The following LRP4 variants were observed in gnomAD, a reference collection of about 807,000 sequenced individuals.
The protein encoded by LRP4 is LDL receptor related protein 4.
LRP4 carries 95 observed loss-of-function variants against 220.3 expected under a neutral mutation model. The ratio of observed to expected loss-of-function variants is 0.43; its 90% CI spans 0.37 to 0.51. LRP4 has a LOEUF of 0.51. LRP4 is among the 20% of genes least tolerant of loss of function. LRP4 has a pLI of 0.00. For synonymous variants in LRP4, 903 were observed against 954.6 expected (o/e 0.95, Z 1.00); for missense variants, 1,925 against 2,567.0 (o/e 0.75, Z 5.40).
intron 34 of LRP4, among the ~76,000 whole-genome samples, chr11:46,866,281 T>A (rs1308380910): frequency 6.6e-6 from 1 of 151,536 alleles, no homozygotes; most frequent in Non-Finnish European, 1.5e-5. Flanking sequence ...TTATTTATTT[T>A]TTGTTTTTTG....
rs1443122291 is a variant in LRP4, at chr11:46,913,953, A to G, written c.52+4375T>C. 2.0e-5 allele frequency among the ~76,000 whole-genome samples: 3 copies of G among 152,306 alleles called. No individual in the cohort carries two copies. In the East Asian group the frequency reaches 5.8e-4, roughly 29 times the overall value. ...AGAGACAAGCAAAAGACCAGCTGCA[A>G]TGAATGAAGGACCAAGTCTCAATTT... On this transcript the variant is annotated intron_variant, in intron 1 of 37. Coordinates refer to ENST00000378623, the MANE Select transcript of LRP4 (RefSeq NM_002334.4).
chr11:46,915,071 G>A (rs1366932772), intron 1 of LRP4, among the ~76,000 whole-genome samples: 2 of 152,058 alleles, frequency 1.3e-5, no homozygotes, highest in African/African-American at 2.4e-5. Flanking sequence ...TTAATACCAC[G>A]TGCCAGTCCA....
intron 1 of LRP4, among the ~76,000 whole-genome samples, chr11:46,904,975 C>CAAA (rs10589238): frequency 6.8e-5 from 3 of 44,276 alleles, no homozygotes; most frequent in Non-Finnish European, 1.2e-4. Flanking sequence ...GACCTTGTCT[C>CAAA]AAAAAAAAAA....
chr11:46,889,820 G>C (rs1480293335), intron 15 of LRP4, 124 bp downstream of exon 15: 5 of 1,119,288 alleles, frequency 4.5e-6, no homozygotes, highest in Non-Finnish European at 5.4e-6. Context: ...GCCCATGTCA[G>C]TGCCCTGCTG....
chr11:46,879,795 A>G (rs978928387), intron 20 of LRP4, among the ~76,000 whole-genome samples: 2 of 152,198 alleles, frequency 1.3e-5, no homozygotes, highest in African/African-American at 4.8e-5. Flanking sequence ...ACATTAGATA[A>G]ATCCAAGTTG....
At chr11:46,888,005 A>C in intron 16 of LRP4, among the ~76,000 whole-genome samples, 1 of 87,558 alleles carries the variant, frequency 1.1e-5, no homozygotes. Context: ...ACAGAGCAAG[A>C]CCCTGTCTCA....
chr11:46,901,446 T>C (rs1216883726), intron 2 of LRP4, among the ~76,000 whole-genome samples: 4 of 152,214 alleles, frequency 2.6e-5, no homozygotes, highest in African/African-American at 9.6e-5. Flanking sequence ...ACTCAGTTCA[T>C]AGAGGCCTTT....
intron 11 of LRP4, 23 bp from the exon 12 acceptor site, chr11:46,894,842 G>T: frequency 6.2e-7 from 1 of 1,603,270 alleles, no homozygotes; most frequent in Non-Finnish European, 8.5e-7. Flanking sequence ...ATAAACATGG[G>T]ATACCCACTG....
At position 46,875,094 on chromosome 11, in the gene LRP4, T is replaced by G; in HGVS notation, c.3935A>C (p.Lys1312Thr). ...GCAGCCGCCATTTCTCGAGCCGCAC[T>G]TGTTAAAACCTGGTGATGAGAAGCA... Reference protein sequence around the residue: ...VDRAQPLGFNKCGSRNGGCSH... With the variant: ...VDRAQPLGFNTCGSRNGGCSH... Residue 1312 changes from lysine to threonine, a missense_variant, in exon 28 of 38, where the codon AAG becomes ACG. Physicochemically the swap from Lys to Thr is moderately conservative, Grantham distance 78 (BLOSUM62 -1). Transcript: ENST00000378623. This position sits in a 1 kb window ranked among gnomAD's most constrained non-coding sequence, Gnocchi z 4.5. 1 of 1,613,018 alleles carries G rather than the reference T, an allele frequency of 6.2e-7. No individual in the cohort carries two copies. Among genetic ancestry groups the G allele is most frequent in the South Asian group, 1.1e-5 (1 of 91,058 alleles).
intron 20 of LRP4, among the ~76,000 whole-genome samples, chr11:46,880,367 A>G (rs1941125344): frequency 1.3e-5 from 2 of 151,608 alleles, no homozygotes; most frequent in East Asian, 2.0e-4. Context: ...TTGGGAGGTC[A>G]AAGCAGGAGG....
rs2134760688 is a variant in LRP4 at position 46,862,856 on chromosome 11, T to C, written c.5244-109A>G. 4.4e-6 allele frequency: 4 copies of C among 910,960 alleles called. No individual in the cohort carries two copies. In the East Asian group the frequency reaches 1.0e-4, roughly 24 times the overall value. The allele number at this position is 910,960 out of a possible 1,614,324, so 56.4% of individuals were successfully genotyped here. A position where few individuals can be genotyped will look rare whatever the true frequency, so the allele number is the denominator to read the frequency against. On this transcript the variant is annotated intron_variant, in intron 36 of 37. Transcript: ENST00000378623. ...CAGCCTCTAAGATGATCCCAGTGAC[T>C]CCCACTTCCTGGTACTCATGCCCTT...
chr11:46,877,221 G>A lies in LRP4; in HGVS notation c.3255C>T (p.Ala1085=), dbSNP rs748988357. Residue 1085 remains alanine, a synonymous_variant, in exon 23 of 38, where the codon GCC becomes GCT. Coordinates refer to ENST00000378623, the MANE Select transcript of LRP4 (RefSeq NM_002334.4). The part of the protein sequence containing the change: ...PINITMKNTI[A]IGVDPQEGKV... ...GACCTTCCTGGGGGTCTACTCCAAT[G>A]GCAATGGTGTTCTTCATGGTAATGT... 25 of 1,613,774 alleles carry A rather than the reference G, an allele frequency of 1.5e-5. No individual in the cohort carries two copies. The highest frequency in any genetic ancestry group is 2.2e-5 in the South Asian group (2 of 91,060).
At chr11:46,904,927 G>T (rs1186119791) in intron 1 of LRP4, among the ~76,000 whole-genome samples, 4 of 126,344 alleles carry the variant, frequency 3.2e-5, no homozygotes, top group African/African-American at 1.2e-4. Flanking sequence ...AGTGAGCCAT[G>T]ATCTCACCAC....
At chr11:46,859,532 G>C (rs1271328581) in intron 37 of LRP4, among the ~76,000 whole-genome samples, 1 of 152,140 alleles carries the variant, frequency 6.6e-6, no homozygotes, top group East Asian at 1.9e-4. Flanking sequence ...TACAGGAGGA[G>C]GGAAAACCAT....
intron 11 of LRP4, 29 bp from the exon 12 acceptor site, chr11:46,894,848 C>T (rs370528591): frequency 1.3e-6 from 2 of 1,596,262 alleles, no homozygotes; most frequent in Non-Finnish European, 8.6e-7. Context: ...ATGGGATACC[C>T]ACTGGGTTTC....
chr11:46,878,346 C>T (rs1377479675), intron 22 of LRP4, among the ~76,000 whole-genome samples: 2 of 126,436 alleles, frequency 1.6e-5, no homozygotes, highest in Non-Finnish European at 3.1e-5. Flanking sequence ...GTGGCGTGAT[C>T]TCTGCTCACT....
At chr11:46,904,066 ACT>A (rs1941717696) in intron 1 of LRP4, among the ~76,000 whole-genome samples, 1 of 150,806 alleles carries the variant, frequency 6.6e-6, no homozygotes, top group South Asian at 2.1e-4. Flanking sequence ...TGCCAGGGTC[ACT>A]CTCCCCCCTC....
At chr11:46,894,847 C>T (rs989321140) in intron 11 of LRP4, 28 bp from the exon 12 acceptor site, 12 of 1,599,788 alleles carry the variant, frequency 7.5e-6, no homozygotes, top group Admixed American at 3.3e-5. Flanking sequence ...CATGGGATAC[C>T]CACTGGGTTT....
intron 22 of LRP4, 134 bp downstream of exon 22, chr11:46,878,771 GTC>G: frequency 7.6e-7 from 1 of 1,315,624 alleles, no homozygotes; most frequent in Admixed American, 1.7e-5. Flanking sequence ...AAAGCCGTGA[GTC>G]TCTCCCCTGG....
Sources: gnomAD v4.1 joint callset for allele counts (sites outside exome capture counted in the v4.1 genomes callset) on GRCh38, gnomAD v4.1.1 for gene constraint, Gnocchi (gnomAD v3.1) non-coding constraint, MANE v1.5 for transcripts, NCBI Gene and HGNC (gene_info 2026-07-23, HGNC 2026-07-21) for gene names.